SEMA3A: variants seen among roughly 807,000 people sequenced by gnomAD.
The protein encoded by SEMA3A is semaphorin 3A.
In SEMA3A, 29 loss-of-function variants were observed where a neutral mutation model predicts 97.9. The ratio of observed to expected loss-of-function variants is 0.30; its 90% CI spans 0.22 to 0.40. SEMA3A has a LOEUF of 0.40. SEMA3A is among the 10% of genes least tolerant of loss of function. The probability of loss-of-function intolerance (pLI) is 1.00; values close to 1 mark genes in which losing one functional copy is unlikely to be tolerated. For missense variants in SEMA3A, 763 were observed against 951.3 expected, an observed-to-expected ratio of 0.80 and a Z score of 2.60; for synonymous variants, 321 against 323.7, an observed-to-expected ratio of 0.99 and a Z score of 0.09.
At chr7:84,169,682 A>G (rs1584074539) in intron 1 of SEMA3A, among the ~76,000 whole-genome samples, 2 of 151,694 alleles carry the variant, frequency 1.3e-5, no homozygotes, top group East Asian at 1.9e-4. Context: ...TTAGATCACC[A>G]TAGATAGTCT....
chr7:84,404,503 A>C (rs959753404), intron 1 of SEMA3A, among the ~76,000 whole-genome samples: 4 of 152,218 alleles, frequency 2.6e-5, no homozygotes, highest in Non-Finnish European at 4.4e-5. Context: ...TCCCCAATCT[A>C]GCAAGGCAGG....
chr7:84,268,249 ATGTGTGTGTGTGTGTGTG>A (rs66460940), intron 3 of SEMA3A, among the ~76,000 whole-genome samples: 19 of 131,036 alleles, frequency 1.4e-4, no homozygotes, highest in Non-Finnish European at 2.2e-4. Flanking sequence ...AGACATAAGC[ATGTGTGTGTGTGTGTGTG>A]TGTGTGTGTG....
chr7:84,421,824 G>A (rs1327857204), intron 1 of SEMA3A, among the ~76,000 whole-genome samples: 1 of 152,054 alleles, frequency 6.6e-6, no homozygotes, highest in Non-Finnish European at 1.5e-5. Context: ...TACATTTACT[G>A]ATTTGCATAT....
At chr7:84,227,018 G>GT (rs1799003167) in intron 3 of SEMA3A, among the ~76,000 whole-genome samples, 1 of 152,022 alleles carries the variant, frequency 6.6e-6, no homozygotes, top group South Asian at 2.1e-4. Flanking sequence ...CAGCTATGCT[G>GT]TACAAGGTTA....
Position 84,005,438 on chromosome 7 carries a change from T to A in SEMA3A, c.1261A>T (p.Ile421Leu). The change falls in exon 11 of 17, where the codon ATA (isoleucine) becomes TTA (leucine). Residue 421 changes from isoleucine to leucine, a missense_variant. Coordinates refer to ENST00000265362, the MANE Select transcript of SEMA3A (RefSeq NM_006080.3). ...NPVFPMNNRP[I>L]VIKTDVNYQF... ...TAATTTACATCCGTTTTGATCACTA[T>A]TGGGCGATTGTTCATAGGAAACACT... 2 of 1,613,872 alleles carry A rather than the reference T, an allele frequency of 1.2e-6. No individual in the cohort carries two copies. The highest frequency in any genetic ancestry group is 8.5e-7 in the Non-Finnish European group (1 of 1,179,798).
At position 84,351,916 on chromosome 7, in the gene SEMA3A, C is replaced by A. The variant is rs139171982; in HGVS notation, c.-169+19908G>T. On this transcript the variant is annotated intron_variant, in intron 2 of 3. Transcript: ENST00000424555. ...AATCAGTATATCAAAGGGATATCTG[C>A]ATTCCCATGTTTATTGCAGCACTAT... Among the ~76,000 whole-genome samples, 346 of 152,086 alleles carry A rather than the reference C, an allele frequency of 2.3e-3. 1 individual carries two copies. The highest frequency in any genetic ancestry group is 8.0e-3 in the African/African-American group (332 of 41,542).
chr7:84,249,544 A>C (rs2040758), intron 3 of SEMA3A, among the ~76,000 whole-genome samples: 10,872 of 152,122 alleles, frequency 0.071, 546 homozygotes, highest in Non-Finnish European at 0.084. Flanking sequence ...CATATACACA[A>C]GTTTCAGTAA....
intron 2 of SEMA3A, among the ~76,000 whole-genome samples, chr7:84,357,206 T>G (rs1039234956): frequency 1.3e-5 from 2 of 152,000 alleles, no homozygotes; most frequent in African/African-American, 2.4e-5. Context: ...TGTATACATG[T>G]GCCATGTTGG....
At chr7:84,090,735 C>T (rs934053425) in intron 4 of SEMA3A, among the ~76,000 whole-genome samples, 1 of 151,890 alleles carries the variant, frequency 6.6e-6, no homozygotes, top group Non-Finnish European at 1.5e-5. Context: ...TAAATATTAT[C>T]AAATATGTAA....
intron 4 of SEMA3A, among the ~76,000 whole-genome samples, chr7:84,077,710 GAC>G (rs1794002260): frequency 1.3e-5 from 2 of 152,016 alleles, no homozygotes; most frequent in South Asian, 4.1e-4. Context: ...CTGGGAAAGA[GAC>G]AATTCTGTCA....
intron 1 of SEMA3A, among the ~76,000 whole-genome samples, chr7:84,158,303 C>T (rs1796916197): frequency 1.3e-5 from 2 of 151,832 alleles, no homozygotes; most frequent in African/African-American, 2.4e-5. Flanking sequence ...TACAGGCGCA[C>T]ACCACCACAC....
rs377650828 is a variant in SEMA3A at position 84,260,062 on chromosome 7, T to C, written c.-83+47145A>G. 2.0e-5 allele frequency among the ~76,000 whole-genome samples: 3 copies of C among 152,298 alleles called. No individual in the cohort carries two copies. The East Asian group carries it at 5.8e-4, about 29-fold the overall frequency. On this transcript the variant is annotated intron_variant, in intron 3 of 3. Transcript: ENST00000424555. ...GTTGCATCTACAACAAACAGAATGA[T>C]GCTTAGCATTTAGTTGGTAGTAAAT...
chr7:84,160,275 A>G (rs570701331), intron 1 of SEMA3A, among the ~76,000 whole-genome samples: 1 of 125,518 alleles, frequency 8.0e-6, no homozygotes, highest in South Asian at 2.7e-4. Flanking sequence ...CTATCTATCT[A>G]TCGTTAGTTC....
intron 2 of SEMA3A, among the ~76,000 whole-genome samples, chr7:84,344,056 A>G (rs1802236960): frequency 6.6e-6 from 1 of 152,120 alleles, no homozygotes. Flanking sequence ...GACATTATTT[A>G]AAGAAAGAAG....
At chr7:84,295,785 T>C (rs1800855391) in intron 3 of SEMA3A, among the ~76,000 whole-genome samples, 2 of 152,120 alleles carry the variant, frequency 1.3e-5, no homozygotes, top group Non-Finnish European at 2.9e-5. Context: ...TACTCTCAGT[T>C]ATAATAAAAT....
At chr7:84,434,990 A>T (rs921892735) in intron 1 of SEMA3A, among the ~76,000 whole-genome samples, 1 of 152,208 alleles carries the variant, frequency 6.6e-6, no homozygotes, top group African/African-American at 2.4e-5. Context: ...TTAACATAGT[A>T]CTGAAAGTTC....
At chr7:84,479,450 C>T (rs1277234732) in intron 1 of SEMA3A, among the ~76,000 whole-genome samples, 1 of 152,124 alleles carries the variant, frequency 6.6e-6, no homozygotes, top group Non-Finnish European at 1.5e-5. Context: ...CCTATTTTGT[C>T]AAGGCTGTGT....
rs547237113 is a variant in SEMA3A at position 84,409,660 on chromosome 7, G to GA, written c.-245-37761dup. ...TGTGTAAATTCTTCTTGTATTAAAA[G>GA]AAAAAAAACTAATTTGTGTTTGATT... On this transcript the variant is annotated intron_variant, in intron 1 of 3. Transcript: ENST00000424555. Among the ~76,000 whole-genome samples, 554 of 151,708 alleles carry GA rather than the reference G, an allele frequency of 3.7e-3. 2 individuals carry two copies. The highest frequency in any genetic ancestry group is 9.1e-3 in the Admixed American group (138 of 15,222).
chr7:84,190,506 A>T (rs1312304170), intron 1 of SEMA3A, among the ~76,000 whole-genome samples: 3 of 151,440 alleles, frequency 2.0e-5, no homozygotes, highest in Non-Finnish European at 4.4e-5. Flanking sequence ...TGCTCTATGC[A>T]TGTGTGTATG....
Sources: allele counts gnomAD v4.1 joint callset (sites outside exome capture counted in the v4.1 genomes callset), GRCh38; gene constraint gnomAD v4.1.1; transcripts MANE v1.5; gene names NCBI Gene and HGNC (gene_info 2026-07-23, HGNC 2026-07-21).